Variants in MITF observed in about 807,000 individuals in gnomAD.
MITF encodes melanocyte inducing transcription factor.
Under a neutral mutation model 60.5 loss-of-function variants are expected in MITF, and 17 were observed. The ratio of observed to expected loss-of-function variants is 0.28; its 90% CI spans 0.19 to 0.42. The LOEUF is 0.42. Ranked by LOEUF, MITF falls within the 10% of genes least tolerant of loss-of-function variation. The probability of loss-of-function intolerance (pLI) is 1.00; values close to 1 mark genes in which losing one functional copy is unlikely to be tolerated. For synonymous variants in MITF, 260 were observed against 248.5 expected (o/e 1.05, Z -0.43); for missense variants, 622 against 683.5 (o/e 0.91, Z 1.00).
intron 2 of MITF, among the ~76,000 whole-genome samples, chr3:69,884,956 A>G (rs1187452598): frequency 2.6e-5 from 4 of 152,168 alleles, no homozygotes; most frequent in African/African-American, 9.7e-5. Context: ...GAAACATTGG[A>G]ACTTCAGCTC....
At chr3:69,794,665 A>T (rs933105832) in intron 1 of MITF, among the ~76,000 whole-genome samples, 1 of 152,188 alleles carries the variant, frequency 6.6e-6, no homozygotes, top group Non-Finnish European at 1.5e-5. Flanking sequence ...TTATTTGTTT[A>T]TTTATTTATA....
chr3:69,755,765 T>C (rs1704122358), intron 1 of MITF, among the ~76,000 whole-genome samples: 1 of 152,124 alleles, frequency 6.6e-6, no homozygotes, highest in Non-Finnish European at 1.5e-5. Context: ...GACAACTGGG[T>C]GCCTACCTCA....
At chr3:69,930,894 G>C (rs917439096) in intron 2 of MITF, among the ~76,000 whole-genome samples, 1 of 152,348 alleles carries the variant, frequency 6.6e-6, no homozygotes, top group East Asian at 1.9e-4. Flanking sequence ...GGACAATTGA[G>C]TATACTCTCT....
At chr3:69,863,205 A>G (rs943131129) in intron 1 of MITF, among the ~76,000 whole-genome samples, 3 of 152,302 alleles carry the variant, frequency 2.0e-5, no homozygotes, top group Admixed American at 1.3e-4. Flanking sequence ...TCCAGAAGAC[A>G]TGTGTTCGTT....
intron 5 of MITF, among the ~76,000 whole-genome samples, chr3:69,947,600 G>A (rs1236558198): frequency 1.3e-5 from 2 of 152,108 alleles, no homozygotes; most frequent in Admixed American, 6.6e-5. Flanking sequence ...CTATTTTTGT[G>A]CCTGTGTATG....
intron 8 of MITF, among the ~76,000 whole-genome samples, chr3:69,958,843 G>A (rs2107535433): frequency 6.6e-6 from 1 of 152,244 alleles, no homozygotes; most frequent in South Asian, 2.1e-4. Flanking sequence ...CTCTTACAAG[G>A]TGCTTGTCTG....
At chr3:69,774,907 G>A (rs372577329) in intron 1 of MITF, among the ~76,000 whole-genome samples, 3 of 152,162 alleles carry the variant, frequency 2.0e-5, no homozygotes, top group Admixed American at 6.5e-5. Flanking sequence ...AGAAGTTGAC[G>A]CTGGAAACAG....
intron 7 of MITF, among the ~76,000 whole-genome samples, chr3:69,954,569 G>A (rs1167340748): frequency 2.0e-5 from 3 of 152,178 alleles, no homozygotes; most frequent in African/African-American, 7.2e-5. Context: ...CTCCAATGGG[G>A]CGTGTCTGGC....
At chr3:69,928,092 C>A (rs956804477) in intron 2 of MITF, among the ~76,000 whole-genome samples, 1 of 152,124 alleles carries the variant, frequency 6.6e-6, no homozygotes, top group South Asian at 2.1e-4. Flanking sequence ...TCCAATAAAA[C>A]CTTATTGACA....
intron 1 of MITF, among the ~76,000 whole-genome samples, chr3:69,814,200 C>T (rs2063145165): frequency 6.6e-6 from 1 of 152,066 alleles, no homozygotes; most frequent in Non-Finnish European, 1.5e-5. Flanking sequence ...AATCAATTCT[C>T]CATATACTTT....
At chr3:69,785,551 G>A (rs192828864) in intron 1 of MITF, among the ~76,000 whole-genome samples, 47 of 152,306 alleles carry the variant, frequency 3.1e-4, no homozygotes, top group Admixed American at 2.7e-3. Context: ...AGAAATGCAC[G>A]TTGTTACTGC....
intron 1 of MITF, among the ~76,000 whole-genome samples, chr3:69,844,697 G>C (rs1318759625): frequency 6.6e-6 from 1 of 151,846 alleles, no homozygotes; most frequent in Non-Finnish European, 1.5e-5. Flanking sequence ...CTTATGGAAT[G>C]GGAGAAAATT....
intron 2 of MITF, among the ~76,000 whole-genome samples, chr3:69,888,939 T>C (rs2064689587): frequency 6.6e-6 from 1 of 151,714 alleles, no homozygotes; most frequent in African/African-American, 2.4e-5. Flanking sequence ...GTGAGGTGCT[T>C]GTCAAAGTGT....
rs567201480 is a variant in MITF, at chr3:69,965,496, C to T, written c.*248C>T. ...GTGTGCAGTATCTGTGAACTGAATT[C>T]ACCACAGACTTTAGCTTTCTGAGCA... On this transcript the variant is annotated 3_prime_UTR_variant, in exon 10 of 10. Transcript: ENST00000352241. 5 of 387,066 alleles carry T rather than the reference C, an allele frequency of 1.3e-5. No homozygotes were observed. Among genetic ancestry groups the T allele is most frequent in the Non-Finnish European group, 2.3e-5 (5 of 213,508 alleles). 24.0% of individuals were successfully genotyped at this position (387,066 alleles called of 1,614,324 possible).
chr3:69,780,681 T>TG (rs1403868470), intron 1 of MITF, among the ~76,000 whole-genome samples: 1 of 152,212 alleles, frequency 6.6e-6, no homozygotes, highest in Non-Finnish European at 1.5e-5. Context: ...GGACCTCTTG[T>TG]GGCCTCTCCA....
At chr3:69,782,551 C>T (rs1300641505) in intron 1 of MITF, among the ~76,000 whole-genome samples, 2 of 152,128 alleles carry the variant, frequency 1.3e-5, no homozygotes, top group Admixed American at 6.5e-5. Flanking sequence ...AAGTGATAAG[C>T]TGTGACTCGA....
At chr3:69,848,771 G>A (rs1046047136) in intron 1 of MITF, among the ~76,000 whole-genome samples, 2 of 152,020 alleles carry the variant, frequency 1.3e-5, no homozygotes, top group African/African-American at 4.8e-5. Context: ...AGCAGACACT[G>A]ATGATGTTCA....
intron 1 of MITF, among the ~76,000 whole-genome samples, chr3:69,825,724 G>A (rs1312069981): frequency 6.6e-6 from 1 of 152,126 alleles, no homozygotes; most frequent in African/African-American, 2.4e-5. Flanking sequence ...AAGGTGCCTT[G>A]AGGATTATCT....
rs1016101976 is a variant in MITF at position 69,962,065 on chromosome 3, G to A, written c.1179+2645G>A. Among the ~76,000 whole-genome samples, 2 of 152,126 alleles carry A rather than the reference G, an allele frequency of 1.3e-5. 1 individual carries two copies. Among genetic ancestry groups the A allele is most frequent in the East Asian group, 3.8e-4 (2 of 5,200 alleles). On this transcript the variant is annotated intron_variant, in intron 9 of 9. Transcript: ENST00000352241. ...TAGAAATCTGAGTAATGCTTTAATC[G>A]CTGATAAATATTTTTAATTAGACAA... is the stretch of plus-strand genomic sequence containing the variant.
Sources: gnomAD v4.1 joint callset for allele counts (sites outside exome capture counted in the v4.1 genomes callset) on GRCh38, gnomAD v4.1.1 for gene constraint, MANE v1.5 for transcripts, NCBI Gene and HGNC (gene_info 2026-07-23, HGNC 2026-07-21) for gene names.